Variants in TAF4 observed in about 807,000 individuals in gnomAD.
The protein encoded by TAF4 is transcription initiation factor TFIID subunit 4.
Under a neutral mutation model 90.3 loss-of-function variants are expected in TAF4, and 9 were observed. The ratio of observed to expected loss-of-function variants is 0.10; its 90% CI spans 0.06 to 0.17. TAF4 has a LOEUF of 0.17. TAF4 is among the 10% of genes least tolerant of loss of function. The pLI is 1.00. For missense variants in TAF4, 1,351 were observed against 1,370.7 expected (o/e 0.99, Z 0.23); for synonymous variants, 818 against 638.9 (o/e 1.28, Z -4.23).
chr20:62,055,809 T>G (rs1325531762), intron 1 of TAF4, among the ~76,000 whole-genome samples: 2 of 152,206 alleles, frequency 1.3e-5, no homozygotes, highest in Non-Finnish European at 2.9e-5. Flanking sequence ...CCTGCTGATC[T>G]GTTTGCCTGT....
In TAF4 at chr20:62,014,694, G is replaced by T. The variant is rs2055803101; in HGVS notation, c.1374C>A (p.Val458=). 6.8e-6 allele frequency: 11 copies of T among 1,613,636 alleles called. No homozygotes were observed. The highest frequency in any genetic ancestry group is 9.3e-6 in the Non-Finnish European group (11 of 1,179,846). The change falls in exon 2 of 15, where the codon GTC becomes GTA. Residue 458 remains valine, a synonymous_variant. Transcript: ENST00000252996. ...NFQLPPGMVL[V]RSENGQLLMI... ...TTAACAACTGCCCATTCTCACTTCGGACGAGGACCATTCCTGCAGACAAAG... is the reference window on the plus strand; with the variant it reads ...TTAACAACTGCCCATTCTCACTTCGTACGAGGACCATTCCTGCAGACAAAG...
chr20:61,990,110 G>A (rs1261317136), intron 14 of TAF4, among the ~76,000 whole-genome samples: 1 of 152,184 alleles, frequency 6.6e-6, no homozygotes, highest in Admixed American at 6.5e-5. Flanking sequence ...CTGACCAGGA[G>A]GGCTGCCTAG....
chr20:62,032,263 C>T (rs971982403), intron 1 of TAF4, among the ~76,000 whole-genome samples: 1 of 152,238 alleles, frequency 6.6e-6, no homozygotes, highest in African/African-American at 2.4e-5. Flanking sequence ...CCCTCCACCC[C>T]CGAACTCCTG....
chr20:62,020,184 G>A (rs1026066993), intron 1 of TAF4, among the ~76,000 whole-genome samples: 1 of 152,218 alleles, frequency 6.6e-6, no homozygotes, highest in Non-Finnish European at 1.5e-5. Context: ...CCCAGCCCCA[G>A]CCCAGGACGA....
At chr20:62,022,243 C>A (rs2055848024) in intron 1 of TAF4, among the ~76,000 whole-genome samples, 1 of 152,168 alleles carries the variant, frequency 6.6e-6, no homozygotes, top group South Asian at 2.1e-4. Flanking sequence ...GTCAGCTGCC[C>A]TGGGCCTCAC....
chr20:61,984,681 C>CTGT (rs1350395307), intron 14 of TAF4, among the ~76,000 whole-genome samples: 9 of 35,314 alleles, frequency 2.5e-4, no homozygotes, highest in Non-Finnish European at 4.6e-4. Flanking sequence ...ACATCAGCAC[C>CTGT]CAGCTGGGAA....
rs1009238635 is a variant in TAF4 at position 62,000,162 on chromosome 20, T to C, written c.2749A>G (p.Ile917Val). The C allele has an allele frequency of 1.9e-6, 3 of 1,614,138 alleles. No homozygotes were observed. In the South Asian group the frequency reaches 3.3e-5, roughly 18 times the overall value. Residue 917 changes from isoleucine to valine, a missense_variant, in exon 11 of 15, where the codon ATA becomes GTA. Transcript: ENST00000252996. ...QQRLQNLVEK[I>V]SETAQQKNFS... The stretch of plus-strand genomic sequence containing the variant: ...TTCTTCTGCTGAGCTGTTTCTGATA[T>C]TTTCTCTACAAGATTCTGTAGCCTT...
At chr20:61,983,145 C>T (rs574725129) in intron 14 of TAF4, among the ~76,000 whole-genome samples, 86 of 152,280 alleles carry the variant, frequency 5.6e-4, no homozygotes, top group African/African-American at 1.8e-3. Flanking sequence ...GGCTCACAGA[C>T]GCCGATGGCC....
Position 61,976,334 on chromosome 20 carries a change from C to T in TAF4, c.3092G>A (p.Gly1031Glu), listed in dbSNP as rs750550902. Residue 1031 changes from glycine (G) to glutamate (E), a missense_variant and splice_region_variant, in exon 15 of 15, where the codon GGG (glycine) becomes GAG (glutamate). Around this residue, in one of 9 missense-constraint regions of TAF4, gnomAD observed 48 missense variants for 50.6 expected, o/e 0.95. Coordinates refer to ENST00000252996, the MANE Select transcript of TAF4 (RefSeq NM_003185.4). ...TGGGACCACTGAGCCGGGGCCCGAC[C>T]CCTGGTGATGAAAAAGGAGAAGACA... ...DCPGPGSGAE[G>E]SGPGSVVPGS... 1 of 1,613,072 alleles carries T rather than the reference C, an allele frequency of 6.2e-7. No individual in the cohort carries two copies. Among genetic ancestry groups the T allele is most frequent in the South Asian group, 1.1e-5 (1 of 91,048 alleles).
intron 11 of TAF4, 101 bp downstream of exon 11, chr20:62,000,023 G>T: frequency 6.7e-7 from 1 of 1,496,386 alleles, no homozygotes; most frequent in Non-Finnish European, 9.3e-7. Flanking sequence ...AGGCACTTGG[G>T]ACCCACCGCC....
intron 1 of TAF4, among the ~76,000 whole-genome samples, chr20:62,020,660 A>C (rs2055837449): frequency 6.6e-6 from 1 of 152,224 alleles, no homozygotes; most frequent in South Asian, 2.1e-4. Flanking sequence ...AGGAAGGCCC[A>C]GCATCAACCC....
At position 62,065,822 on chromosome 20, in the gene TAF4, G is replaced by GGCCGCC. The variant is rs551749583; in HGVS notation, c.-18_-13dup. On this transcript the variant is annotated 5_prime_UTR_variant, in exon 1 of 15. Transcript: ENST00000252996. The stretch of plus-strand genomic sequence containing the variant: ...GAGCCCGCCGCCATCTTTTTTCCTC[G>GGCCGCC]GCCGCCGCCGCCGCCGCCGCTCGGG... The GGCCGCC allele has an allele frequency of 3.7e-4, 473 of 1,266,828 alleles. 2 individuals carry two copies. Among genetic ancestry groups the GGCCGCC allele is most frequent in the South Asian group, 7.2e-4 (53 of 73,538 alleles). 78.5% of individuals were successfully genotyped at this position (1,266,828 alleles called of 1,614,324 possible).
intron 1 of TAF4, among the ~76,000 whole-genome samples, chr20:62,052,244 C>A (rs2056033086): frequency 6.8e-6 from 1 of 147,854 alleles, no homozygotes; most frequent in Non-Finnish European, 1.5e-5. Flanking sequence ...CCCCACCCAT[C>A]CTCATCCAGC....
chr20:62,000,441 C>T, intron 10 of TAF4, 111 bp downstream of exon 10: 1 of 1,441,146 alleles, frequency 6.9e-7, no homozygotes, highest in Non-Finnish European at 9.4e-7. Context: ...ATGTGGAAAT[C>T]ACAAACTCAG....
Position 62,006,800 on chromosome 20 carries a change from T to G in TAF4, c.1975-42A>C. 1 of 1,423,066 alleles carries G rather than the reference T, an allele frequency of 7.0e-7. No individual in the cohort carries two copies. Among genetic ancestry groups the G allele is most frequent in the Non-Finnish European group, 9.3e-7 (1 of 1,077,894 alleles). The allele number at this position is 1,423,066 out of a possible 1,614,324, so 88.2% of individuals were successfully genotyped here. A position where few individuals can be genotyped will look rare whatever the true frequency, so the allele number is the denominator to read the frequency against. On this transcript the variant is annotated intron_variant, in intron 6 of 14. Transcript: ENST00000252996. The surrounding 1 kb of genome is among the most constrained non-coding windows in gnomAD (Gnocchi z 7.0). ...ACACGAGGGGTCAGGCGGCTGCTCA[T>G]GCGTCGGTTTTCCTTGCTTAAAAAT...
intron 1 of TAF4, among the ~76,000 whole-genome samples, chr20:62,026,068 G>T (rs7509143): frequency 6.6e-6 from 1 of 151,872 alleles, no homozygotes; most frequent in Non-Finnish European, 1.5e-5. Context: ...CAACCCTCCC[G>T]GCAAAAAATA....
chr20:62,047,360 C>A (rs2055999372), intron 1 of TAF4, among the ~76,000 whole-genome samples: 1 of 152,110 alleles, frequency 6.6e-6, no homozygotes, highest in Admixed American at 6.6e-5. Context: ...TAGAAACATT[C>A]TTTTTTTCTG....
chr20:62,029,803 G>A (rs1203968708), intron 1 of TAF4, among the ~76,000 whole-genome samples: 2 of 152,200 alleles, frequency 1.3e-5, no homozygotes, highest in Admixed American at 6.5e-5. Flanking sequence ...CTACTTGGGA[G>A]GCTGAGGCAA....
intron 1 of TAF4, among the ~76,000 whole-genome samples, chr20:62,045,324 C>T (rs1211319854): frequency 1.3e-5 from 2 of 152,224 alleles, no homozygotes; most frequent in African/African-American, 2.4e-5. Flanking sequence ...CCCTGCCTGC[C>T]GTGCCTGCCC....
Sources: gnomAD v4.1 joint callset for allele counts (sites outside exome capture counted in the v4.1 genomes callset) on GRCh38, gnomAD v4.1.1 for gene constraint, gnomAD v4.1.1 regional missense constraint, Gnocchi (gnomAD v3.1) non-coding constraint, MANE v1.5 for transcripts, NCBI Gene and HGNC (gene_info 2026-07-23, HGNC 2026-07-21) for gene names.